B4GALT5: variants seen among roughly 807,000 people sequenced by gnomAD.
The protein encoded by B4GALT5 is UDP-Gal:beta-GlcNAc beta-1,4-galactosyltransferase 5.
Under a neutral mutation model 45.0 loss-of-function variants are expected in B4GALT5, and 11 were observed. That is an observed-to-expected ratio of 0.24 (90% CI 0.15 to 0.40). The LOEUF (loss-of-function observed/expected upper bound fraction) is 0.40, where lower values mean the gene tolerates loss of function less well. Among genes scored for constraint, B4GALT5 ranks in the 10% least tolerant of loss-of-function variants. B4GALT5 has a pLI of 1.00. For synonymous variants in B4GALT5, 185 were observed against 182.9 expected, an observed-to-expected ratio of 1.01 and a Z score of -0.09; for missense variants, 337 against 500.2, an observed-to-expected ratio of 0.67 and a Z score of 3.11.
intron 1 of B4GALT5, among the ~76,000 whole-genome samples, chr20:49,675,403 T>C (rs979838119): frequency 1.3e-5 from 2 of 152,170 alleles, no homozygotes; most frequent in Admixed American, 1.3e-4. Context: ...CTTTTAAATA[T>C]TAACAAGACG....
chr20:49,650,823 C>T (rs1426548030), intron 2 of B4GALT5, among the ~76,000 whole-genome samples: 2 of 152,102 alleles, frequency 1.3e-5, no homozygotes, highest in African/African-American at 4.8e-5. Context: ...CCTTGGAGTT[C>T]CAAATATAAC....
chr20:49,709,105 T>A (rs1355799817), intron 1 of B4GALT5, among the ~76,000 whole-genome samples: 1 of 152,170 alleles, frequency 6.6e-6, no homozygotes, highest in African/African-American at 2.4e-5. Context: ...GCACCTCATA[T>A]GTATATTTAT....
At chr20:49,668,983 T>C (rs2085704225) in intron 1 of B4GALT5, among the ~76,000 whole-genome samples, 1 of 152,128 alleles carries the variant, frequency 6.6e-6, no homozygotes, top group African/African-American at 2.4e-5. Flanking sequence ...TGCCTCAGCC[T>C]CCTGTGTAGC....
chr20:49,665,892 T>C (rs1161577601), intron 1 of B4GALT5, among the ~76,000 whole-genome samples: 1 of 151,600 alleles, frequency 6.6e-6, no homozygotes, highest in Non-Finnish European at 1.5e-5. Context: ...ATCAAAGAAG[T>C]TTCATATGGC....
At chr20:49,636,936 A>ACACACACACACACACAC (rs1568713570) in intron 8 of B4GALT5, among the ~76,000 whole-genome samples, 1 of 151,578 alleles carries the variant, frequency 6.6e-6, no homozygotes, top group African/African-American at 2.4e-5. Context: ...ACACACACAC[A>ACACACACACACACACAC]AAGAAAGAAA....
At chr20:49,661,055 C>G (rs926293234) in intron 1 of B4GALT5, among the ~76,000 whole-genome samples, 3 of 152,186 alleles carry the variant, frequency 2.0e-5, no homozygotes, top group African/African-American at 4.8e-5. Flanking sequence ...TGCTTTCAAT[C>G]TAAATTATCT....
chr20:49,667,577 G>C (rs1213594034), intron 1 of B4GALT5, among the ~76,000 whole-genome samples: 1 of 143,978 alleles, frequency 6.9e-6, no homozygotes, highest in Non-Finnish European at 1.5e-5. Context: ...ACAGGATCTT[G>C]CTCTGTCACT....
At chr20:49,646,868 T>A in intron 3 of B4GALT5, 97 bp downstream of exon 3, 2 of 670,240 alleles carry the variant, frequency 3.0e-6, no homozygotes, top group Non-Finnish European at 4.8e-6. Context: ...GGCAGGGAGG[T>A]ATTTATATTC....
intron 1 of B4GALT5, among the ~76,000 whole-genome samples, chr20:49,667,781 G>C (rs2085698075): frequency 6.6e-6 from 1 of 152,102 alleles, no homozygotes; most frequent in African/African-American, 2.4e-5. Flanking sequence ...TCAGGAGTGG[G>C]TGCCAATACT....
chr20:49,686,882 C>G (rs1349863170), intron 1 of B4GALT5, among the ~76,000 whole-genome samples: 1 of 151,266 alleles, frequency 6.6e-6, no homozygotes, highest in Non-Finnish European at 1.5e-5. Context: ...CTGGGTGACA[C>G]AGCGAGACCC....
chr20:49,689,135 G>A (rs978590509), intron 1 of B4GALT5, among the ~76,000 whole-genome samples: 1 of 152,092 alleles, frequency 6.6e-6, no homozygotes, highest in Admixed American at 6.6e-5. Context: ...CAGTGTTTAG[G>A]TATCCATTGG....
At chr20:49,667,762 T>C (rs577930691) in intron 1 of B4GALT5, among the ~76,000 whole-genome samples, 25 of 152,314 alleles carry the variant, frequency 1.6e-4, no homozygotes, top group African/African-American at 5.1e-4. Context: ...AGGCTTCCAA[T>C]ATTCCACTTC....
intron 1 of B4GALT5, among the ~76,000 whole-genome samples, chr20:49,674,081 C>CAAAAAAAAAAAAAAAAA (rs34718276): frequency 2.1e-5 from 2 of 94,530 alleles, no homozygotes; most frequent in Non-Finnish European, 4.4e-5. Flanking sequence ...ATTAAAAATA[C>CAAAAAAAAAAAAAAAAA]AAAAAAAAAA....
Position 49,678,899 on chromosome 20 carries a change from T to TG in B4GALT5, c.116-22198dup, listed in dbSNP as rs1391233057. Among the ~76,000 whole-genome samples the TG allele has an allele frequency of 2.2e-4, 33 of 152,222 alleles. 1 individual carries two copies. The South Asian group carries it at 4.4e-3, about 20-fold the overall frequency. ...TAGTGCTGTTACTGGTAATGGGGGC[T>TG]GGGGGGAATCCCCAGGGTTCCTGGA... On this transcript the variant is annotated intron_variant, in intron 1 of 8. Transcript: ENST00000371711.
chr20:49,678,153 G>A (rs1312473254), intron 1 of B4GALT5, among the ~76,000 whole-genome samples: 2 of 152,226 alleles, frequency 1.3e-5, no homozygotes, highest in Non-Finnish European at 2.9e-5. Context: ...AAATGGCAGG[G>A]TAGAGAATCA....
At chr20:49,672,244 C>T (rs1334431064) in intron 1 of B4GALT5, among the ~76,000 whole-genome samples, 2 of 152,170 alleles carry the variant, frequency 1.3e-5, no homozygotes, top group Non-Finnish European at 2.9e-5. Context: ...GTTATCTACT[C>T]GTTGGGAATT....
Position 49,635,500 on chromosome 20 carries a change from G to C in B4GALT5, c.*812C>G, listed in dbSNP as rs2085548821. On this transcript the variant is annotated 3_prime_UTR_variant, in exon 9 of 9. Transcript: ENST00000371711. ...CCAGCAATAAAGGTCGGGTTATTTT[G>C]TTCTTTTGTGACATGCCCTATATCC... The C allele has an allele frequency of 1.3e-5, 2 of 152,158 alleles. No homozygotes were observed. The highest frequency in any genetic ancestry group is 2.9e-5 in the Non-Finnish European group (2 of 68,026). 9.4% of individuals were successfully genotyped at this position (152,158 alleles called of 1,614,324 possible). A position where few individuals can be genotyped will look rare whatever the true frequency, so the allele number is the denominator to read the frequency against.
chr20:49,636,254 A>T lies in B4GALT5; in HGVS notation c.*58T>A. 2 of 1,592,140 alleles carry T rather than the reference A, an allele frequency of 1.3e-6. No individual in the cohort carries two copies. Among genetic ancestry groups the T allele is most frequent in the Non-Finnish European group, 1.7e-6 (2 of 1,167,470 alleles). ...TAGACCCTCCCCCCTCCAAAAAAAA[A>T]TCTCATCGGACTGCTTTCTTGGTGG... On this transcript the variant is annotated 3_prime_UTR_variant, in exon 9 of 9. Transcript: ENST00000371711.
At chr20:49,662,685 AC>A (rs745386123) in intron 1 of B4GALT5, among the ~76,000 whole-genome samples, 1 of 152,046 alleles carries the variant, frequency 6.6e-6, no homozygotes, top group Non-Finnish European at 1.5e-5. Context: ...ATTCCTTTCC[AC>A]CAATTGAGCA....
Sources: allele counts gnomAD v4.1 joint callset (sites outside exome capture counted in the v4.1 genomes callset), GRCh38; gene constraint gnomAD v4.1.1; transcripts MANE v1.5; gene names NCBI Gene and HGNC (gene_info 2026-07-23, HGNC 2026-07-21).